Variants in NCAM2 observed in about 807,000 individuals in gnomAD.
NCAM2 encodes the protein neural cell adhesion molecule 2, also known as N-CAM-2.
NCAM2 carries 30 observed loss-of-function variants against 98.1 expected under a neutral mutation model. The ratio of observed to expected loss-of-function variants is 0.31; its 90% CI spans 0.23 to 0.41. The LOEUF (loss-of-function observed/expected upper bound fraction) is 0.41, where lower values mean the gene tolerates loss of function less well. NCAM2 is among the 10% of genes least tolerant of loss of function. The probability of loss-of-function intolerance (pLI) is 1.00; values close to 1 mark genes in which losing one functional copy is unlikely to be tolerated. For synonymous variants in NCAM2, 368 were observed against 342.4 expected (o/e 1.07, Z -0.83); for missense variants, 867 against 1,005.8 (o/e 0.86, Z 1.87).
chr21:21,242,416 C>A (rs570509472), intron 1 of NCAM2, among the ~76,000 whole-genome samples: 3 of 152,166 alleles, frequency 2.0e-5, no homozygotes, highest in African/African-American at 4.8e-5. Flanking sequence ...TCATTCTGTA[C>A]AATAGATTGA....
intron 16 of NCAM2, among the ~76,000 whole-genome samples, chr21:21,531,467 T>C (rs535893971): frequency 4.0e-4 from 15 of 37,584 alleles, no homozygotes; most frequent in African/African-American, 1.5e-3. Context: ...CTTTGTTTTA[T>C]TAACTAAGCA....
At chr21:21,230,007 A>T (rs978945956) in intron 1 of NCAM2, among the ~76,000 whole-genome samples, 4 of 151,322 alleles carry the variant, frequency 2.6e-5, no homozygotes, top group African/African-American at 9.7e-5. Flanking sequence ...ATTTGAGAGA[A>T]ACACACAAGT....
intron 1 of NCAM2, among the ~76,000 whole-genome samples, chr21:21,092,339 G>T (rs1369802436): frequency 6.6e-6 from 1 of 151,740 alleles, no homozygotes; most frequent in East Asian, 1.9e-4. Context: ...ATTTTCATTT[G>T]GGTGGAGTAT....
intron 16 of NCAM2, among the ~76,000 whole-genome samples, chr21:21,512,846 T>C (rs1429733034): frequency 1.3e-5 from 2 of 152,106 alleles, no homozygotes; most frequent in African/African-American, 4.8e-5. Flanking sequence ...ATTTGAGCTT[T>C]TATAAATGGG....
intron 5 of NCAM2, among the ~76,000 whole-genome samples, chr21:21,307,019 G>A (rs1480478975): frequency 1.3e-5 from 2 of 151,720 alleles, no homozygotes; most frequent in African/African-American, 4.8e-5. Context: ...TTGCAAATAA[G>A]CATTTACCTA....
At chr21:21,395,113 C>T (rs2076474240) in intron 9 of NCAM2, among the ~76,000 whole-genome samples, 2 of 152,226 alleles carry the variant, frequency 1.3e-5, no homozygotes, top group South Asian at 4.1e-4. Context: ...AGGTGGATCA[C>T]CTGAAGTCAG....
At position 21,464,263 on chromosome 21, in the gene NCAM2, C is replaced by T. The variant is rs569146761; in HGVS notation, c.1655-2343C>T. ...CAAAGTTGGCTGTTTTATAAAAGGG[C>T]GTTTATTCTTCAAGTCTTATTCCAA... On this transcript the variant is annotated intron_variant, in intron 12 of 17. Coordinates refer to ENST00000400546, the MANE Select transcript of NCAM2 (RefSeq NM_004540.5). 1.1e-4 allele frequency among the ~76,000 whole-genome samples: 17 copies of T among 151,968 alleles called. No homozygotes were observed. In the South Asian group the frequency reaches 2.3e-3, roughly 20 times the overall value.
At chr21:21,481,001 G>A (rs1602467525) in intron 15 of NCAM2, among the ~76,000 whole-genome samples, 1 of 152,204 alleles carries the variant, frequency 6.6e-6, no homozygotes. Flanking sequence ...ATATGTGGGC[G>A]TATGGAAATG....
At position 21,105,807 on chromosome 21, in the gene NCAM2, C is replaced by T. The variant is rs982023746; in HGVS notation, c.55+107189C>T. On this transcript the variant is annotated intron_variant, in intron 1 of 17. Transcript: ENST00000400546. ...GCTTTCTTCTAGGGAGTGAATTTCACGGAATTTTTCCCAAGGAAATGTTTG... is the reference window on the plus strand; with the variant it reads ...GCTTTCTTCTAGGGAGTGAATTTCATGGAATTTTTCCCAAGGAAATGTTTG... Among the ~76,000 whole-genome samples the T allele has an allele frequency of 2.6e-5, 4 of 152,126 alleles. No individual in the cohort carries two copies. The South Asian group carries it at 8.3e-4, about 32-fold the overall frequency.
At chr21:21,023,251 C>T (rs948854905) in intron 1 of NCAM2, among the ~76,000 whole-genome samples, 3 of 152,170 alleles carry the variant, frequency 2.0e-5, no homozygotes, top group African/African-American at 4.8e-5. Flanking sequence ...AGGCTGGGTG[C>T]GGTGGCTCAC....
intron 12 of NCAM2, among the ~76,000 whole-genome samples, chr21:21,466,241 A>G (rs1033769042): frequency 2.0e-5 from 3 of 152,078 alleles, no homozygotes; most frequent in Admixed American, 2.0e-4. Context: ...TAATCTATGT[A>G]GAGTACTTCT....
intron 9 of NCAM2, among the ~76,000 whole-genome samples, chr21:21,404,940 A>G (rs1194288329): frequency 6.6e-6 from 1 of 151,644 alleles, no homozygotes; most frequent in Non-Finnish European, 1.5e-5. Flanking sequence ...AAGGGTTTTT[A>G]TTTTCATTTT....
At chr21:21,518,108 T>A (rs1244196055) in intron 16 of NCAM2, among the ~76,000 whole-genome samples, 4 of 152,206 alleles carry the variant, frequency 2.6e-5, no homozygotes, top group Non-Finnish European at 5.9e-5. Flanking sequence ...ACCCTTATAA[T>A]GCCTGGCATT....
At chr21:21,319,136 A>C (rs1156287534) in intron 5 of NCAM2, among the ~76,000 whole-genome samples, 1 of 152,080 alleles carries the variant, frequency 6.6e-6, no homozygotes, top group African/African-American at 2.4e-5. Flanking sequence ...AACAAACAAA[A>C]AAAAATGCAA....
At chr21:21,053,174 A>G (rs2146301717) in intron 1 of NCAM2, among the ~76,000 whole-genome samples, 1 of 152,256 alleles carries the variant, frequency 6.6e-6, no homozygotes, top group East Asian at 1.9e-4. Flanking sequence ...AGCATTTAAA[A>G]TTTGCTTCTG....
At chr21:21,040,897 T>A (rs1486131492) in intron 1 of NCAM2, among the ~76,000 whole-genome samples, 1 of 152,170 alleles carries the variant, frequency 6.6e-6, no homozygotes, top group African/African-American at 2.4e-5. Context: ...TTATTGTGTA[T>A]CTTCAGATAG....
intron 1 of NCAM2, among the ~76,000 whole-genome samples, chr21:21,011,891 C>G (rs984979970): frequency 6.6e-6 from 1 of 152,046 alleles, no homozygotes; most frequent in Non-Finnish European, 1.5e-5. Flanking sequence ...AAATGCTCAA[C>G]ATTGGTTTTC....
chr21:21,123,130 C>G lies in NCAM2; in HGVS notation c.55+124512C>G, dbSNP rs2066710225. Among the ~76,000 whole-genome samples, 5 of 143,790 alleles carry G rather than the reference C, an allele frequency of 3.5e-5. No homozygotes were observed. In the Admixed American group the frequency reaches 3.6e-4, roughly 10 times the overall value. The allele number at this position is 143,790 out of a possible 152,430, so 94.3% of individuals were successfully genotyped here. A position where few individuals can be genotyped will look rare whatever the true frequency, so the allele number is the denominator to read the frequency against. On this transcript the variant is annotated intron_variant, in intron 1 of 17. Transcript: ENST00000400546. ...ATTTTGTGTCTGGGCAGGGGGTGCT[C>G]ATGCCTGTAATCCCAGCACTTTGGA...
rs1048844380 is a variant in NCAM2, at chr21:21,530,231, T to C, written c.2283-4306T>C. Among the ~76,000 whole-genome samples the C allele has an allele frequency of 3.5e-4, 17 of 48,582 alleles. 1 individual carries two copies. The highest frequency in any genetic ancestry group is 7.3e-4 in the Non-Finnish European group (14 of 19,126). 31.9% of individuals were successfully genotyped at this position (48,582 alleles called of 152,430 possible). ...TAATTTAATTTAATTTAATTATATA[T>C]ATTTAATTTAAATTAATTATATATA... On this transcript the variant is annotated intron_variant, in intron 16 of 17. Transcript: ENST00000400546.
Sources: allele counts gnomAD v4.1 joint callset (sites outside exome capture counted in the v4.1 genomes callset), GRCh38; gene constraint gnomAD v4.1.1; transcripts MANE v1.5; gene names NCBI Gene and HGNC (gene_info 2026-07-23, HGNC 2026-07-21).